FOXP1: variants seen among roughly 807,000 people sequenced by gnomAD.
The protein encoded by FOXP1 is forkhead box P1.
Under a neutral mutation model 98.2 loss-of-function variants are expected in FOXP1, and 15 were observed. That is an observed-to-expected ratio of 0.15 (90% CI 0.10 to 0.24). The LOEUF (loss-of-function observed/expected upper bound fraction) is 0.24. Ranked by LOEUF, FOXP1 falls within the 10% of genes least tolerant of loss-of-function variation. The pLI, the probability that FOXP1 is intolerant of heterozygous loss-of-function variation, is 1.00. For missense variants in FOXP1, 633 were observed against 848.5 expected, an observed-to-expected ratio of 0.75 and a Z score of 3.15; for synonymous variants, 371 against 314.5, an observed-to-expected ratio of 1.18 and a Z score of -1.90.
At chr3:71,340,481 A>G (rs1407447949) in intron 4 of FOXP1, among the ~76,000 whole-genome samples, 1 of 152,246 alleles carries the variant, frequency 6.6e-6, no homozygotes, top group East Asian at 1.9e-4. Flanking sequence ...CTCCACACAG[A>G]AAGGGCTGTA....
At chr3:71,223,185 T>C (rs1276904533) in intron 5 of FOXP1, among the ~76,000 whole-genome samples, 4 of 152,206 alleles carry the variant, frequency 2.6e-5, no homozygotes, top group Non-Finnish European at 1.5e-5. Context: ...TTGAATGGAA[T>C]AACAGGTCTC....
At chr3:71,091,289 A>G (rs1296998500) in intron 7 of FOXP1, among the ~76,000 whole-genome samples, 4 of 152,132 alleles carry the variant, frequency 2.6e-5, no homozygotes, top group Non-Finnish European at 5.9e-5. Context: ...CAGGAGTTCG[A>G]GACCAGCCTG....
At chr3:71,107,173 G>C (rs1408634264) in intron 7 of FOXP1, among the ~76,000 whole-genome samples, 1 of 152,186 alleles carries the variant, frequency 6.6e-6, no homozygotes, top group African/African-American at 2.4e-5. Context: ...CACAGCTGAA[G>C]TTGAAATAAC....
At chr3:71,205,484 A>G (rs2063966477) in intron 5 of FOXP1, among the ~76,000 whole-genome samples, 1 of 152,224 alleles carries the variant, frequency 6.6e-6, no homozygotes, top group African/African-American at 2.4e-5. Context: ...GTTCAGGAGC[A>G]ATGAAATTGT....
chr3:71,060,309 A>G (rs1368011133), intron 7 of FOXP1, among the ~76,000 whole-genome samples: 2 of 152,124 alleles, frequency 1.3e-5, no homozygotes, highest in East Asian at 3.8e-4. Flanking sequence ...CAACACCTTC[A>G]CCTTATACAT....
intron 3 of FOXP1, among the ~76,000 whole-genome samples, chr3:71,480,981 A>T (rs770993776): frequency 1.3e-5 from 2 of 152,186 alleles, no homozygotes; most frequent in Non-Finnish European, 2.9e-5. Context: ...GGCAGGCAAT[A>T]TCCTTCATTC....
intron 7 of FOXP1, among the ~76,000 whole-genome samples, chr3:71,090,231 T>C (rs1211770578): frequency 1.3e-5 from 2 of 152,248 alleles, no homozygotes; most frequent in African/African-American, 2.4e-5. Flanking sequence ...TCAAGAAATT[T>C]CATTTTCTAA....
intron 2 of FOXP1, among the ~76,000 whole-genome samples, chr3:71,508,853 G>C (rs893780996): frequency 6.6e-6 from 1 of 152,144 alleles, no homozygotes; most frequent in Non-Finnish European, 1.5e-5. Flanking sequence ...AAATCTCGTG[G>C]ATGTCACTTA....
At chr3:71,350,920 C>T (rs1042206628) in intron 4 of FOXP1, among the ~76,000 whole-genome samples, 22 of 152,220 alleles carry the variant, frequency 1.4e-4, no homozygotes, top group Middle Eastern at 3.4e-3. Context: ...GAGATGGACA[C>T]ATGACCCATC....
chr3:71,242,882 C>T (rs1443780330), intron 5 of FOXP1, among the ~76,000 whole-genome samples: 1 of 151,876 alleles, frequency 6.6e-6, no homozygotes, highest in East Asian at 1.9e-4. Context: ...TCATTTTATT[C>T]ATCGAAGAAT....
intron 3 of FOXP1, among the ~76,000 whole-genome samples, chr3:71,427,921 G>A (rs75155221): frequency 6.6e-6 from 1 of 152,156 alleles, no homozygotes; most frequent in African/African-American, 2.4e-5. Flanking sequence ...GGGATTCTTT[G>A]TGAAAATATC....
intron 3 of FOXP1, among the ~76,000 whole-genome samples, chr3:71,427,532 C>A (rs557878449): frequency 6.6e-6 from 1 of 152,314 alleles, no homozygotes; most frequent in Non-Finnish European, 1.5e-5. Context: ...AAAAAAGGAG[C>A]TACTGAAGGT....
chr3:71,466,087 C>T (rs1007351806), intron 3 of FOXP1, among the ~76,000 whole-genome samples: 4 of 152,148 alleles, frequency 2.6e-5, no homozygotes, highest in Non-Finnish European at 5.9e-5. Context: ...ACAGATAAAA[C>T]GAAACACTTA....
chr3:71,069,093 C>CT (rs1266637023), intron 7 of FOXP1, among the ~76,000 whole-genome samples: 1 of 152,204 alleles, frequency 6.6e-6, no homozygotes, highest in Non-Finnish European at 1.5e-5. Context: ...GACAATGAAG[C>CT]TAATTATGTT....
intron 4 of FOXP1, among the ~76,000 whole-genome samples, chr3:71,345,029 AT>A (rs2077238937): frequency 6.6e-6 from 1 of 152,204 alleles, no homozygotes; most frequent in African/African-American, 2.4e-5. Context: ...CCCAAGATTC[AT>A]TTGTAATTGA....
chr3:71,144,262 C>G (rs1480450826), intron 6 of FOXP1, among the ~76,000 whole-genome samples: 2 of 152,178 alleles, frequency 1.3e-5, no homozygotes, highest in African/African-American at 2.4e-5. Flanking sequence ...CTCATCCTCA[C>G]TAGTGTATGT....
rs869086663 is a variant in FOXP1 at position 71,404,120 on chromosome 3, CTTTTTTTTTT to C, written c.-167-44886_-167-44877del. Among the ~76,000 whole-genome samples, 66 of 62,714 alleles carry C rather than the reference CTTTTTTTTTT, an allele frequency of 1.1e-3. 1 individual carries two copies. Among genetic ancestry groups the C allele is most frequent in the Non-Finnish European group, 3.1e-4 (11 of 35,850 alleles). The allele number at this position is 62,714 out of a possible 152,430, so 41.1% of individuals were successfully genotyped here. A position where few individuals can be genotyped will look rare whatever the true frequency, so the allele number is the denominator to read the frequency against. ...ATTGGGGTTTTTTTCTTTTCTTTTT[CTTTTTTTTTT>C]TTTTTTTTTTTTTTGAGATGGAGTT... On this transcript the variant is annotated intron_variant, in intron 3 of 20. Coordinates refer to ENST00000649528, the MANE Select transcript of FOXP1 (RefSeq NM_001349338.3).
At chr3:71,507,766 A>C (rs1176603784) in intron 2 of FOXP1, among the ~76,000 whole-genome samples, 1 of 152,106 alleles carries the variant, frequency 6.6e-6, no homozygotes, top group African/African-American at 2.4e-5. Context: ...TTTAGTAGAG[A>C]TGGGGTTTCA....
intron 3 of FOXP1, among the ~76,000 whole-genome samples, chr3:71,429,328 T>C (rs1418704627): frequency 6.6e-6 from 1 of 152,120 alleles, no homozygotes; most frequent in Non-Finnish European, 1.5e-5. Context: ...GAAATTATTC[T>C]TTAAGGAAAA....
Sources: allele counts gnomAD v4.1 joint callset (sites outside exome capture counted in the v4.1 genomes callset), GRCh38; gene constraint gnomAD v4.1.1; transcripts MANE v1.5; gene names NCBI Gene and HGNC (gene_info 2026-07-23, HGNC 2026-07-21).